PITPNC1: variants seen among roughly 807,000 people sequenced by gnomAD.
PITPNC1 encodes phosphatidylinositol transfer protein cytoplasmic 1.
A neutral mutation model predicts 44.7 loss-of-function variants in PITPNC1; 18 were observed. That is an observed-to-expected ratio of 0.40 (90% CI 0.28 to 0.60). PITPNC1 has a LOEUF of 0.60. Among genes scored for constraint, PITPNC1 ranks in the 20% least tolerant of loss-of-function variants. The pLI, the probability that PITPNC1 is intolerant of heterozygous loss-of-function variation, is 0.39. For missense variants in PITPNC1, 290 were observed against 418.4 expected, an observed-to-expected ratio of 0.69 and a Z score of 2.68; for synonymous variants, 141 against 149.6, an observed-to-expected ratio of 0.94 and a Z score of 0.42.
At chr17:67,658,311 T>G (rs1001889338) in intron 6 of PITPNC1, among the ~76,000 whole-genome samples, 1 of 152,214 alleles carries the variant, frequency 6.6e-6, no homozygotes, top group Non-Finnish European at 1.5e-5. Flanking sequence ...TTCACCTATT[T>G]TAAATATGCC....
In PITPNC1 at chr17:67,496,365, A is replaced by C. The variant is rs548946660; in HGVS notation, c.49-36437A>C. 3.3e-4 allele frequency among the ~76,000 whole-genome samples: 50 copies of C among 152,292 alleles called. 1 individual carries two copies. Among genetic ancestry groups the C allele is most frequent in the Middle Eastern group, 6.8e-3 (2 of 294 alleles). ...AAAATAGTTTTAGTCTTCTAACTAC[A>C]TTATCCAATATGCAGCTTTTTAACT... On this transcript the variant is annotated intron_variant, in intron 1 of 8. Coordinates refer to ENST00000581322, the MANE Select transcript of PITPNC1 (RefSeq NM_012417.4).
chr17:67,445,270 C>T (rs778584168), intron 1 of PITPNC1, among the ~76,000 whole-genome samples: 7 of 151,802 alleles, frequency 4.6e-5, no homozygotes, highest in African/African-American at 9.7e-5. Flanking sequence ...CAGGTCTAGA[C>T]GTTAGGCAGA....
intron 1 of PITPNC1, among the ~76,000 whole-genome samples, chr17:67,469,279 C>T (rs534278620): frequency 1.3e-5 from 2 of 152,264 alleles, no homozygotes; most frequent in East Asian, 3.9e-4. Context: ...AAGCACCCGC[C>T]CCACTGCTGC....
chr17:67,413,377 A>G (rs1177748360), intron 1 of PITPNC1, among the ~76,000 whole-genome samples: 1 of 95,972 alleles, frequency 1.0e-5, no homozygotes, highest in Non-Finnish European at 2.2e-5. Flanking sequence ...ACTGTCAAGA[A>G]AAAGCACTTT....
chr17:67,638,947 C>CA lies in PITPNC1; in HGVS notation c.462+6719dup, dbSNP rs34045924. On this transcript the variant is annotated intron_variant, in intron 6 of 8. Transcript: ENST00000581322. ...GCCACACAGCAAGACCCTATTTCTA[C>CA]AAAAAAAAAATAAAAATAAAAATAA... is the stretch of plus-strand genomic sequence containing the variant. 313 of 147,682 alleles carry CA rather than the reference C, an allele frequency of 2.1e-3. 2 individuals carry two copies. The highest frequency in any genetic ancestry group is 4.4e-3 in the African/African-American group (176 of 40,412). 9.1% of individuals were successfully genotyped at this position (147,682 alleles called of 1,614,324 possible). A position where few individuals can be genotyped will look rare whatever the true frequency, so the allele number is the denominator to read the frequency against.
At chr17:67,465,696 T>TGGGTTCTGAGTCCTCTGTGCC (rs2039416342) in intron 1 of PITPNC1, among the ~76,000 whole-genome samples, 1 of 152,178 alleles carries the variant, frequency 6.6e-6, no homozygotes, top group African/African-American at 2.4e-5. Context: ...TTAGCTGGGC[T>TGGGTTCTGAGTCCTCTGTGCC]GGGTTCTGAG....
intron 1 of PITPNC1, among the ~76,000 whole-genome samples, chr17:67,510,633 C>A (rs2040173458): frequency 6.6e-6 from 1 of 152,174 alleles, no homozygotes; most frequent in Admixed American, 6.5e-5. Context: ...GAGTCTTGCT[C>A]TATCACTCAG....
intron 1 of PITPNC1, among the ~76,000 whole-genome samples, chr17:67,517,035 C>T (rs1254473282): frequency 6.6e-6 from 1 of 152,196 alleles, no homozygotes; most frequent in Non-Finnish European, 1.5e-5. Flanking sequence ...GTGTAATTAG[C>T]ACATTTGGAC....
chr17:67,438,877 G>A (rs2143915455), intron 1 of PITPNC1, among the ~76,000 whole-genome samples: 1 of 152,290 alleles, frequency 6.6e-6, no homozygotes, highest in East Asian at 1.9e-4. Context: ...TAATTTGATT[G>A]TAATCCTGCC....
At chr17:67,688,325 C>G (rs1375436979) in intron 8 of PITPNC1, among the ~76,000 whole-genome samples, 1 of 20,618 alleles carries the variant, frequency 4.9e-5, no homozygotes, top group African/African-American at 2.7e-4. Context: ...GCAACAAGAG[C>G]AAAATTCTGT....
intron 1 of PITPNC1, among the ~76,000 whole-genome samples, chr17:67,504,891 G>C (rs1171239551): frequency 6.6e-6 from 1 of 152,028 alleles, no homozygotes; most frequent in Non-Finnish European, 1.5e-5. Context: ...CTTCTCTTTA[G>C]GTAGCACAGC....
intron 5 of PITPNC1, among the ~76,000 whole-genome samples, chr17:67,586,425 CAAAAAAAAAAAAA>C (rs33998127): frequency 9.0e-6 from 1 of 110,592 alleles, no homozygotes; most frequent in African/African-American, 3.3e-5. Flanking sequence ...GTTTCTACTT[CAAAAAAAAAAAAA>C]AAAAAAATTA....
chr17:67,514,906 T>C (rs181260630), intron 1 of PITPNC1, among the ~76,000 whole-genome samples: 1 of 152,262 alleles, frequency 6.6e-6, no homozygotes, highest in East Asian at 1.9e-4. Context: ...TAGTTAGGAT[T>C]ATTTACAGAA....
chr17:67,425,685 C>G (rs965809659), intron 1 of PITPNC1, among the ~76,000 whole-genome samples: 1 of 130,548 alleles, frequency 7.7e-6, no homozygotes, highest in African/African-American at 3.1e-5. Context: ...CCACGCTTGG[C>G]TAATTAAAAA....
At chr17:67,622,955 C>T (rs530379202) in intron 5 of PITPNC1, among the ~76,000 whole-genome samples, 1 of 152,068 alleles carries the variant, frequency 6.6e-6, no homozygotes, top group Admixed American at 6.6e-5. Context: ...GTATACCCTC[C>T]CTCCACCAAA....
intron 5 of PITPNC1, among the ~76,000 whole-genome samples, chr17:67,610,058 C>T (rs557086514): frequency 6.6e-6 from 1 of 152,282 alleles, no homozygotes; most frequent in Non-Finnish European, 1.5e-5. Flanking sequence ...TTCTGTCGCC[C>T]GGCCACTACT....
At chr17:67,521,157 A>G (rs2040320844) in intron 1 of PITPNC1, among the ~76,000 whole-genome samples, 1 of 152,186 alleles carries the variant, frequency 6.6e-6, no homozygotes, top group African/African-American at 2.4e-5. Context: ...TGCTGGTACC[A>G]GCAGGAAGCA....
chr17:67,471,857 G>A (rs1460576982), intron 1 of PITPNC1, among the ~76,000 whole-genome samples: 1 of 151,906 alleles, frequency 6.6e-6, no homozygotes, highest in Non-Finnish European at 1.5e-5. Flanking sequence ...TCCTTTTTCT[G>A]TTCCAGGATT....
At chr17:67,572,397 T>A (rs1334652985) in intron 4 of PITPNC1, among the ~76,000 whole-genome samples, 1 of 142,884 alleles carries the variant, frequency 7.0e-6, no homozygotes, top group African/African-American at 2.6e-5. Context: ...AAAGTCTTAG[T>A]TACAGAAAGC....
Sources: gnomAD v4.1 joint callset for allele counts (sites outside exome capture counted in the v4.1 genomes callset) on GRCh38, gnomAD v4.1.1 for gene constraint, MANE v1.5 for transcripts, NCBI Gene and HGNC (gene_info 2026-07-23, HGNC 2026-07-21) for gene names.